MYH9: variants seen among roughly 807,000 people sequenced by gnomAD.
The protein encoded by MYH9 is myosin-9.
In MYH9, 29 loss-of-function variants were observed where a neutral mutation model predicts 241.9. The ratio of observed to expected loss-of-function variants is 0.12; its 90% CI spans 0.09 to 0.16. The LOEUF (loss-of-function observed/expected upper bound fraction) is 0.16, where lower values mean the gene tolerates loss of function less well. Among genes scored for constraint, MYH9 ranks in the 10% least tolerant of loss-of-function variants. MYH9 has a pLI of 1.00. For missense variants in MYH9, 1,803 were observed against 2,595.5 expected (o/e 0.69, Z 6.63); for synonymous variants, 1,047 against 1,062.6 (o/e 0.99, Z 0.29).
In MYH9 at chr22:36,291,883, G is replaced by A. The variant is rs1044406745; in HGVS notation, c.4344+103C>T. 12 of 1,575,614 alleles carry A rather than the reference G, an allele frequency of 7.6e-6. No individual in the cohort carries two copies. In the Admixed American group the frequency reaches 1.0e-4, roughly 13 times the overall value. On this transcript the variant is annotated intron_variant, in intron 31 of 40. Transcript: ENST00000216181. ...ACTGGCCCCGCACGGCCCCTCCCCG[G>A]CGAGACCCTGAGGGAGCCCAGGCTT...
intron 1 of MYH9, among the ~76,000 whole-genome samples, chr22:36,364,274 C>T (rs2017976831): frequency 6.6e-6 from 1 of 152,184 alleles, no homozygotes; most frequent in Non-Finnish European, 1.5e-5. Flanking sequence ...ACCTCTAGTC[C>T]TGCAGGGCTG....
chr22:36,352,563 C>A (rs1349192245), intron 1 of MYH9, among the ~76,000 whole-genome samples: 1 of 152,218 alleles, frequency 6.6e-6, no homozygotes, highest in Admixed American at 6.5e-5. Context: ...TCACAAACAT[C>A]ACACCAGCTG....
intron 13 of MYH9, among the ~76,000 whole-genome samples, chr22:36,313,439 G>A (rs547647452): frequency 1.6e-4 from 19 of 116,380 alleles, no homozygotes; most frequent in Non-Finnish European, 2.5e-4. Flanking sequence ...GCGACAGAGC[G>A]AGACTCCGTC....
chr22:36,337,240 G>C (rs142660433), intron 3 of MYH9, among the ~76,000 whole-genome samples: 1 of 152,308 alleles, frequency 6.6e-6, no homozygotes, highest in East Asian at 1.9e-4. Flanking sequence ...CTGGCACCAA[G>C]TGAATAGAGG....
In MYH9 at chr22:36,329,777, G is replaced by C. The variant is rs184317099; in HGVS notation, c.491-2289C>G. On this transcript the variant is annotated intron_variant, in intron 3 of 40. Transcript: ENST00000216181. This position sits in a 1 kb window ranked among gnomAD's most constrained non-coding sequence, Gnocchi z 4.1. ...CGAGGGCATGCACACAGAGGCGCACGCACGCACAAGGGCATGGACACACAC... is the reference window on the plus strand; with the variant it reads ...CGAGGGCATGCACACAGAGGCGCACCCACGCACAAGGGCATGGACACACAC... Among the ~76,000 whole-genome samples the C allele has an allele frequency of 6.6e-6, 1 of 152,194 alleles. No homozygotes were observed. The highest frequency in any genetic ancestry group is 6.5e-5 in the Admixed American group (1 of 15,280).
chr22:36,344,916 A>C (rs1351730280), intron 2 of MYH9, among the ~76,000 whole-genome samples: 1 of 152,262 alleles, frequency 6.6e-6, no homozygotes, highest in Non-Finnish European at 1.5e-5. Context: ...TAAAGAGCCA[A>C]GGAGAGAAAC....
intron 1 of MYH9, among the ~76,000 whole-genome samples, chr22:36,368,592 C>G (rs533288686): frequency 6.6e-6 from 1 of 152,336 alleles, no homozygotes; most frequent in African/African-American, 2.4e-5. Flanking sequence ...GCACCAGTAT[C>G]TGTCCTCCTG....
At chr22:36,365,185 C>T (rs1158911716) in intron 1 of MYH9, 5 of 152,264 alleles carry the variant, frequency 3.3e-5, no homozygotes, top group African/African-American at 1.2e-4. Context: ...GTCACAGACG[C>T]TGCCCTCACA....
At chr22:36,334,272 C>T (rs898637215) in intron 3 of MYH9, among the ~76,000 whole-genome samples, 2 of 152,186 alleles carry the variant, frequency 1.3e-5, no homozygotes, top group African/African-American at 2.4e-5. Context: ...GCAGCCAGCT[C>T]GCATCAGCTC....
At chr22:36,304,489 A>G (rs1230050624) in intron 18 of MYH9, among the ~76,000 whole-genome samples, 1 of 152,246 alleles carries the variant, frequency 6.6e-6, no homozygotes, top group Non-Finnish European at 1.5e-5. Flanking sequence ...GACACGCCAG[A>G]AACAACAGGA....
rs1490292461 is a variant in MYH9 at position 36,297,004 on chromosome 22, G to A, written c.3111C>T (p.Arg1037=). 1 of 1,613,974 alleles carries A rather than the reference G, an allele frequency of 6.2e-7. No individual in the cohort carries two copies. The highest frequency in any genetic ancestry group is 1.1e-5 in the South Asian group (1 of 91,084). The part of the protein sequence containing the change: ...AMITDLEERL[R]REEKQRQELE... ...GCTCCTGTCGCTGCTTCTCCTCCCT[G>A]CGGAGGCGCTCTGCAATGCAGGGGG... Residue 1037 remains arginine, a synonymous_variant, in exon 25 of 41, where the codon CGC becomes CGT. Coordinates refer to ENST00000216181, the MANE Select transcript of MYH9 (RefSeq NM_002473.6).
intron 3 of MYH9, among the ~76,000 whole-genome samples, chr22:36,332,594 G>A (rs1212405001): frequency 1.5e-5 from 2 of 130,216 alleles, no homozygotes; most frequent in Admixed American, 1.9e-4. Flanking sequence ...AACCTGCTGA[G>A]ACCCAAGTCC....
At chr22:36,291,382 C>G in intron 31 of MYH9, among the ~76,000 whole-genome samples, 1 of 152,100 alleles carries the variant, frequency 6.6e-6, no homozygotes, top group East Asian at 1.9e-4. Context: ...ACCTTACCCC[C>G]AACCCTGTGC....
intron 13 of MYH9, among the ~76,000 whole-genome samples, chr22:36,313,835 A>T (rs973575861): frequency 5.3e-5 from 8 of 152,178 alleles, no homozygotes; most frequent in African/African-American, 1.9e-4. Context: ...CCCAGCCTTC[A>T]GGAGGATGCT....
Position 36,293,434 on chromosome 22 carries a change from C to A in MYH9, c.3990G>T (p.Lys1330Asn). Residue 1330 changes from lysine to asparagine, a missense_variant, in exon 30 of 41, where the codon AAG (lysine) becomes AAT (asparagine). Lys to Asn is a moderately conservative substitution (Grantham distance 94). This residue lies in a region of MYH9 where 876 missense variants were observed against 1,077.8 expected (regional missense o/e 0.81). Transcript: ENST00000216181. This position sits in a 1 kb window ranked among gnomAD's most constrained non-coding sequence, Gnocchi z 5.1. ...TCTTCTCGTCCTCCACCTGCTTGAG[C>A]TTGGTGCTCAGGCTCAGCTTCTGCC... Reference protein sequence around the residue: ...ENRQKLSLSTKLKQVEDEKNS... With the variant: ...ENRQKLSLSTNLKQVEDEKNS... The A allele has an allele frequency of 6.2e-7, 1 of 1,613,884 alleles. No homozygotes were observed. Among genetic ancestry groups the A allele is most frequent in the South Asian group, 1.1e-5 (1 of 91,082 alleles).
chr22:36,288,512 A>T lies in MYH9; in HGVS notation c.4771-99T>A, dbSNP rs1039787958. 6 of 1,519,614 alleles carry T rather than the reference A, an allele frequency of 3.9e-6. No homozygotes were observed. Among genetic ancestry groups the T allele is most frequent in the Non-Finnish European group, 5.4e-6 (6 of 1,109,498 alleles). The allele number at this position is 1,519,614 out of a possible 1,614,324, so 94.1% of individuals were successfully genotyped here. On this transcript the variant is annotated intron_variant, in intron 33 of 40. Transcript: ENST00000216181. This position sits in a 1 kb window ranked among gnomAD's most constrained non-coding sequence, Gnocchi z 4.8. Reference sequence around the variant, plus strand: ...GCCTCAGGCCAGTTCTGCAGGATCCATGGGGCCTCGGGAAACCAGTGGGGA... The same window carrying T: ...GCCTCAGGCCAGTTCTGCAGGATCCTTGGGGCCTCGGGAAACCAGTGGGGA...
intron 2 of MYH9, among the ~76,000 whole-genome samples, chr22:36,347,560 C>A (rs1424590109): frequency 6.6e-6 from 1 of 151,658 alleles, no homozygotes; most frequent in African/African-American, 2.4e-5. Context: ...ATAATGAGAC[C>A]CTGTCTCTAA....
intron 4 of MYH9, among the ~76,000 whole-genome samples, chr22:36,327,041 G>A (rs527557366): frequency 1.3e-5 from 2 of 152,344 alleles, no homozygotes; most frequent in South Asian, 4.1e-4. Flanking sequence ...TCTTGGCAAT[G>A]GGGTTTATGG....
intron 3 of MYH9, among the ~76,000 whole-genome samples, chr22:36,331,316 C>T (rs1236524459): frequency 1.3e-5 from 2 of 152,232 alleles, no homozygotes; most frequent in Admixed American, 1.3e-4. Flanking sequence ...GAGCAATTCC[C>T]TGGCACCGCC....
Sources: gnomAD v4.1 joint callset for allele counts (sites outside exome capture counted in the v4.1 genomes callset) on GRCh38, gnomAD v4.1.1 for gene constraint, gnomAD v4.1.1 regional missense constraint, Gnocchi (gnomAD v3.1) non-coding constraint, MANE v1.5 for transcripts, NCBI Gene and HGNC (gene_info 2026-07-23, HGNC 2026-07-21) for gene names.